Variants in ZNF135 observed in about 807,000 individuals in gnomAD.
ZNF135 encodes zinc finger protein 135 (clone pHZ-17).
A neutral mutation model predicts 12.3 loss-of-function variants in ZNF135; 11 were observed. The ratio of observed to expected loss-of-function variants is 0.89; its 90% confidence interval spans 0.56 to 1.48. The LOEUF (loss-of-function observed/expected upper bound fraction) is 1.48, where lower values mean the gene tolerates loss of function less well. Among genes scored for constraint, ZNF135 ranks in the 40% most tolerant of loss-of-function variants. The pLI is 0.00. For missense variants in ZNF135, 722 were observed against 815.7 expected, an observed-to-expected ratio of 0.89 and a Z score of 1.40; for synonymous variants, 316 against 312.0, an observed-to-expected ratio of 1.01 and a Z score of -0.14.
At chr19:58,061,384 G>C (rs369996520) in intron 2 of ZNF135, among the ~76,000 whole-genome samples, 196 bp from the exon 3 acceptor site, 2 of 152,146 alleles carry the variant, frequency 1.3e-5, no homozygotes, top group East Asian at 3.8e-4. Flanking sequence ...TATTGGAAAC[G>C]GGCATGATGC....
chr19:58,066,599 C>T (rs2074070011), intron 4 of ZNF135, 142 bp from the exon 5 acceptor site: 1 of 1,177,832 alleles, frequency 8.5e-7, no homozygotes. Flanking sequence ...GTTTGCAAAA[C>T]TATATTTTTA....
chr19:58,061,619 C>T lies in ZNF135; in HGVS notation c.73C>T (p.Gln25Ter). 2 of 1,613,474 alleles carry T rather than the reference C, an allele frequency of 1.2e-6. No individual in the cohort carries two copies. Among genetic ancestry groups the T allele is most frequent in the Non-Finnish European group, 8.5e-7 (1 of 1,179,740 alleles). The change falls in exon 3 of 5, where the codon CAG becomes TAG. Residue 25 changes from glutamine to a stop codon, truncating the protein, a stop_gained. Transcript: ENST00000313434. LOFTEE classifies it high-confidence loss of function. Reference protein sequence around the residue: ...TFEDVVVGFSQEEWGQLKPAQ... With the variant: ...TFEDVVVGFS ...TGAGGACGTGGTAGTGGGCTTCAGC[C>T]AGGAGGAGTGGGGGCAGCTGAAGCC...
At chr19:58,061,126 T>G (rs1385479144) in intron 2 of ZNF135, among the ~76,000 whole-genome samples, 1 of 47,852 alleles carries the variant, frequency 2.1e-5, no homozygotes, top group Admixed American at 1.7e-4. Flanking sequence ...AGACTCCGTC[T>G]CGGGGGAAAA....
rs1393183405 is a variant in ZNF135, at chr19:58,063,237, C to T, written c.161-209C>T. On this transcript the variant is annotated intron_variant, in intron 3 of 4. Coordinates refer to ENST00000313434, the MANE Select transcript of ZNF135 (RefSeq NM_001289401.2). The surrounding 1 kb of genome is among the most constrained non-coding windows in gnomAD (Gnocchi z 4.4). ...GTTCTGATTGTCCAGGCTTGGGTCA[C>T]ATGTCCACCCCAGAACCAGTGGTAG... 6.6e-6 allele frequency among the ~76,000 whole-genome samples: 1 copy of T among 152,316 alleles called. No individual in the cohort carries two copies. The highest frequency in any genetic ancestry group is 2.4e-5 in the African/African-American group (1 of 41,568).
rs546609935 is a variant in ZNF135 at position 58,067,951 on chromosome 19, A to G, written c.1467A>G (p.Thr489=). ...TCACCCAACACCAGCGAATCCACAC[A>G]GGGGAGAAGCCCTATGAATGCAATG... ...THLTQHQRIH[T]GEKPYECNDC... Residue 489 remains threonine, a synonymous_variant, in exon 5 of 5, where the codon ACA becomes ACG. Transcript: ENST00000313434. 4 of 1,613,562 alleles carry G rather than the reference A, an allele frequency of 2.5e-6. No homozygotes were observed. The highest frequency in any genetic ancestry group is 1.3e-5 in the African/African-American group (1 of 74,832).
chr19:58,067,489 C>A lies in ZNF135; in HGVS notation c.1005C>A (p.Phe335Leu). The A allele has an allele frequency of 6.2e-6, 10 of 1,614,148 alleles. No individual in the cohort carries two copies. The highest frequency in any genetic ancestry group is 8.5e-6 in the Non-Finnish European group (10 of 1,180,024). ...PYECSECGKAFRQSIHLTQHL... is the reference protein window; with the variant it reads ...PYECSECGKALRQSIHLTQHL... ...AGTGCAGTGAGTGTGGGAAAGCCTTCCGGCAAAGCATCCACCTCACCCAGC... is the reference window on the plus strand; with the variant it reads ...AGTGCAGTGAGTGTGGGAAAGCCTTACGGCAAAGCATCCACCTCACCCAGC... Residue 335 changes from phenylalanine to leucine, a missense_variant, in exon 5 of 5, where the codon TTC becomes TTA. Coordinates refer to ENST00000313434, the MANE Select transcript of ZNF135 (RefSeq NM_001289401.2).
upstream of ZNF135, chr19:58,059,259 C>G (rs773208704): frequency 3.2e-6 from 5 of 1,580,220 alleles, no homozygotes; most frequent in Non-Finnish European, 4.3e-6. This position sits in a 1 kb window ranked among gnomAD's most constrained non-coding sequence, Gnocchi z 6.5. Context: ...TAGGCTCGCG[C>G]CGGCGCAGTG....
chr19:58,059,312 T>C lies in ZNF135; in HGVS notation c.-35+2T>C. 1 of 1,452,470 alleles carries C rather than the reference T, an allele frequency of 6.9e-7. No homozygotes were observed. The highest frequency in any genetic ancestry group is 1.3e-5 in the South Asian group (1 of 74,272). 90.0% of individuals were successfully genotyped at this position (1,452,470 alleles called of 1,614,324 possible). A position where few individuals can be genotyped will look rare whatever the true frequency, so the allele number is the denominator to read the frequency against. On this transcript the variant is annotated splice_donor_variant, in intron 1 of 4. Transcript: ENST00000313434. LOFTEE classifies it low-confidence loss of function (5UTR_SPLICE). The surrounding 1 kb of genome is among the most constrained non-coding windows in gnomAD (Gnocchi z 6.5). ...GGCCTTTGTCTCGCAGTCAGGAGGG[T>C]GAGCTAGGCCGGCGAGGAGGGGGAG...
At position 58,067,219 on chromosome 19, in the gene ZNF135, C is replaced by T. The variant is rs145487238; in HGVS notation, c.735C>T (p.His245=). The T allele has an allele frequency of 1.8e-5, 29 of 1,613,938 alleles. No individual in the cohort carries two copies. In the African/African-American group the frequency reaches 2.0e-4, roughly 11 times the overall value. The change falls in exon 5 of 5, where the codon CAC becomes CAT. Residue 245 remains histidine, a synonymous_variant. Coordinates refer to ENST00000313434, the MANE Select transcript of ZNF135 (RefSeq NM_001289401.2). ...THTGERPYEC[H]ECLKGFRNSS... ...CAGGAGAGAGACCTTACGAATGTCACGAATGCTTAAAAGGCTTCCGGAACA... is the reference window on the plus strand; with the variant it reads ...CAGGAGAGAGACCTTACGAATGTCATGAATGCTTAAAAGGCTTCCGGAACA...
Position 58,059,453 on chromosome 19 carries a change from C to G in ZNF135, c.-35+143C>G. The G allele has an allele frequency of 1.1e-6, 1 of 924,352 alleles. No homozygotes were observed. 57.3% of individuals were successfully genotyped at this position (924,352 alleles called of 1,614,324 possible). On this transcript the variant is annotated intron_variant, in intron 1 of 4. Transcript: ENST00000313434. The surrounding 1 kb of genome is among the most constrained non-coding windows in gnomAD (Gnocchi z 6.5). ...TCTGTGTGGAGTCCGTTTTGCTGCC[C>G]GGGGCCTGGGGAAGGCCGTTTCGGG...
At chr19:58,064,801 G>A in intron 4 of ZNF135, among the ~76,000 whole-genome samples, 1 of 152,136 alleles carries the variant, frequency 6.6e-6, no homozygotes, top group Non-Finnish European at 1.5e-5. Flanking sequence ...TGAGGCAGGA[G>A]AACTGCTTGA....
In ZNF135 at chr19:58,066,891, GT is replaced by G. The variant is rs2074075617; in HGVS notation, c.409del (p.Cys137ValfsTer4). On this transcript the variant is annotated frameshift_variant, in exon 5 of 5. Transcript: ENST00000313434. LOFTEE classifies it low-confidence loss of function (END_TRUNC). ...GEDTEGHWEW[S>X]CESLESLAVP... ...GACACTGAGGGCCACTGGGAATGGA[GT>G]TGTGAGAGTCTAGAGAGCCTGGCAG... is the stretch of plus-strand genomic sequence containing the variant. 6.2e-7 allele frequency: 1 copy of G among 1,614,126 alleles called. No homozygotes were observed. The highest frequency in any genetic ancestry group is 1.7e-5 in the Admixed American group (1 of 60,010).
rs1375107948 is a variant in ZNF135 at position 58,067,168 on chromosome 19, A to G, written c.684A>G (p.Ala228=). The G allele has an allele frequency of 3.1e-6, 5 of 1,614,196 alleles. No individual in the cohort carries two copies. Among genetic ancestry groups the G allele is most frequent in the Non-Finnish European group, 4.2e-6 (5 of 1,180,038 alleles). Reference sequence around the variant, plus strand: ...GAAAGGCCTTTAGTCACAGCTCAGCACTTATCGAACACCACCGGACGCACA... The same window carrying G: ...GAAAGGCCTTTAGTCACAGCTCAGCGCTTATCGAACACCACCGGACGCACA... ...ECGKAFSHSS[A]LIEHHRTHTG... The change falls in exon 5 of 5, where the codon GCA becomes GCG. Residue 228 remains alanine, a synonymous_variant. Transcript: ENST00000313434.
At chr19:58,064,441 G>A (rs1480149442) in intron 4 of ZNF135, among the ~76,000 whole-genome samples, 1 of 152,068 alleles carries the variant, frequency 6.6e-6, no homozygotes, top group African/African-American at 2.4e-5. Context: ...CCTACTCACT[G>A]TGAAGACAAT....
chr19:58,062,461 C>T (rs1352574114), intron 3 of ZNF135, among the ~76,000 whole-genome samples: 1 of 152,172 alleles, frequency 6.6e-6, no homozygotes, highest in African/African-American at 2.4e-5. Flanking sequence ...CGGCTCACTG[C>T]AAGCTCTGCC....
chr19:58,059,270 T>A, upstream of ZNF135: 3 of 1,563,070 alleles, frequency 1.9e-6, no homozygotes, highest in Non-Finnish European at 2.6e-6. This position sits in a 1 kb window ranked among gnomAD's most constrained non-coding sequence, Gnocchi z 6.5. Flanking sequence ...CGGCGCAGTG[T>A]CGGCTGCCGG....
In ZNF135 at chr19:58,068,507, G is replaced by C. The variant is rs745746122; in HGVS notation, c.*46G>C. 1.3e-6 allele frequency: 2 copies of C among 1,577,828 alleles called. No homozygotes were observed. Among genetic ancestry groups the C allele is most frequent in the Non-Finnish European group, 1.7e-6 (2 of 1,162,400 alleles). On this transcript the variant is annotated 3_prime_UTR_variant, in exon 5 of 5. Coordinates refer to ENST00000313434, the MANE Select transcript of ZNF135 (RefSeq NM_001289401.2). ...GGACATAGGAAGACCTTAAGCCATA[G>C]CTCATCCCTTTCTAGATTTGACCCA...
Position 58,059,672 on chromosome 19 carries a change from G to C in ZNF135, c.-34-297G>C. Reference sequence around the variant, plus strand: ...GAGAGAAACTGAGGCATAGTGCCCAGGGCCAGGGGACCGCAACCACCCGGC... The same window carrying C: ...GAGAGAAACTGAGGCATAGTGCCCACGGCCAGGGGACCGCAACCACCCGGC... On this transcript the variant is annotated intron_variant, in intron 1 of 4. Coordinates refer to ENST00000313434, the MANE Select transcript of ZNF135 (RefSeq NM_001289401.2). The surrounding 1 kb of genome is among the most constrained non-coding windows in gnomAD (Gnocchi z 6.5). 1.9e-6 allele frequency: 1 copy of C among 525,288 alleles called. No homozygotes were observed. The highest frequency in any genetic ancestry group is 3.3e-6 in the Non-Finnish European group (1 of 299,718). The allele number at this position is 525,288 out of a possible 1,614,324, so 32.5% of individuals were successfully genotyped here.
In ZNF135 at chr19:58,067,045, C is replaced by T. The variant is rs1204591237; in HGVS notation, c.561C>T (p.Pro187=). The change falls in exon 5 of 5, where the codon CCC becomes CCT. Residue 187 remains proline (P), a synonymous_variant. Transcript: ENST00000313434. ...CAATGACTCCTGAAAGACAAAGCCC[C>T]CACACATGGGGAACACGTGGAAAAA... The part of the protein sequence containing the change: ...HQPMTPERQS[P]HTWGTRGKRE... The T allele has an allele frequency of 6.2e-7, 1 of 1,614,062 alleles. No individual in the cohort carries two copies. The highest frequency in any genetic ancestry group is 8.5e-7 in the Non-Finnish European group (1 of 1,180,038).
Sources: gnomAD v4.1 joint callset for allele counts (sites outside exome capture counted in the v4.1 genomes callset) on GRCh38, gnomAD v4.1.1 for gene constraint, Gnocchi (gnomAD v3.1) non-coding constraint, MANE v1.5 for transcripts, NCBI Gene and HGNC (gene_info 2026-07-23, HGNC 2026-07-21) for gene names.